Variants in LRRC4B observed in about 807,000 individuals in gnomAD.
LRRC4B encodes leucine-rich repeat-containing protein 4B.
A neutral mutation model predicts 7.3 loss-of-function variants in LRRC4B; 1 was observed. That is an observed-to-expected ratio of 0.14 (90% CI 0.05 to 0.65). LRRC4B has a LOEUF of 0.65. Among genes scored for constraint, LRRC4B ranks in the 30% least tolerant of loss-of-function variants. LRRC4B has a pLI of 0.84. For synonymous variants in LRRC4B, 500 were observed against 499.2 expected (o/e 1.00, Z -0.02); for missense variants, 730 against 1,041.6 (o/e 0.70, Z 4.12).
chr19:50,517,907 C>T lies in LRRC4B; in HGVS notation c.1806G>A (p.Gln602=), dbSNP rs1024593105. Residue 602 remains glutamine, a synonymous_variant, in exon 3 of 3, where the codon CAG becomes CAA. Coordinates refer to ENST00000652263, the MANE Select transcript of LRRC4B (RefSeq NM_001080457.2). The surrounding 1 kb of genome is among the most constrained non-coding windows in gnomAD (Gnocchi z 6.6). ...MLVAFYKLRK[Q]HQLHKHHGPT... ...GCCCGTGGTGCTTGTGGAGCTGGTG[C>T]TGCTTGCGCAGCTTGTAGAAGGCCA... is the stretch of plus-strand genomic sequence containing the variant. 19 of 1,584,460 alleles carry T rather than the reference C, an allele frequency of 1.2e-5. No homozygotes were observed. The highest frequency in any genetic ancestry group is 1.5e-5 in the Non-Finnish European group (18 of 1,170,078).
At position 50,518,418 on chromosome 19, in the gene LRRC4B, C is replaced by A; in HGVS notation, c.1295G>T (p.Gly432Val). The A allele has an allele frequency of 6.4e-7, 1 of 1,566,802 alleles. No homozygotes were observed. The highest frequency in any genetic ancestry group is 8.6e-7 in the Non-Finnish European group (1 of 1,158,848). ...GTTCGTCACCATGCACGTGTACTGG[C>A]CCGTGTCCTGCACGGTGACGTTGGT... ...NFTNVTVQDT[G>V]QYTCMVTNSA... Residue 432 changes from glycine (G) to valine (V), a missense_variant, in exon 3 of 3, where the codon GGC becomes GTC. Around this residue, in one of 6 missense-constraint regions of LRRC4B, gnomAD observed 192 missense variants for 228.6 expected, o/e 0.84. Transcript: ENST00000652263.
chr19:50,546,649 G>A (rs980325688), intron 2 of LRRC4B, among the ~76,000 whole-genome samples: 9 of 152,300 alleles, frequency 5.9e-5, no homozygotes, highest in East Asian at 5.8e-4. Flanking sequence ...TACGGAGGGA[G>A]CGGGCCTGTG....
chr19:50,551,022 C>T (rs1466022968), intron 1 of LRRC4B: 3 of 152,208 alleles, frequency 2.0e-5, no homozygotes, highest in Non-Finnish European at 4.4e-5. Flanking sequence ...AGGCCTGCCG[C>T]TGCCATGTCT....
At chr19:50,540,902 G>A (rs1047091179) in intron 2 of LRRC4B, among the ~76,000 whole-genome samples, 5 of 151,722 alleles carry the variant, frequency 3.3e-5, no homozygotes, top group African/African-American at 7.2e-5. Context: ...AAAGTGCACC[G>A]GCCGGGCGTG....
Position 50,519,337 on chromosome 19 carries a change from C to T in LRRC4B, c.376G>A (p.Glu126Lys), listed in dbSNP as rs766225003. Residue 126 changes from glutamate (E) to lysine (K), a missense_variant, in exon 3 of 3, where the codon GAG becomes AAG. Transcript: ENST00000652263. This position sits in a 1 kb window ranked among gnomAD's most constrained non-coding sequence, Gnocchi z 8.1. ...QLSKNLVRKIEVGAFNGLPSL... is the reference protein window; with the variant it reads ...QLSKNLVRKIKVGAFNGLPSL... ...GGCAGCCCGTTGAAGGCGCCCACCT[C>T]GATCTTGCGCACCAGGTTCTTGCTC... 1.2e-6 allele frequency: 2 copies of T among 1,612,448 alleles called. No homozygotes were observed. The highest frequency in any genetic ancestry group is 1.7e-5 in the Admixed American group (1 of 60,004).
rs567184879 is a variant in LRRC4B at position 50,553,952 on chromosome 19, C to T, written c.-35-5079G>A. Among the ~76,000 whole-genome samples the T allele has an allele frequency of 2.6e-5, 4 of 152,054 alleles. No individual in the cohort carries two copies. The South Asian group carries it at 6.3e-4, about 24-fold the overall frequency. ...CCCTGGACACCCTCGGTCCCCAGGT[C>T]CCCTTCCATCCCAGGAGGCCTGCTG... On this transcript the variant is annotated intron_variant, in intron 1 of 2. Coordinates refer to ENST00000652263, the MANE Select transcript of LRRC4B (RefSeq NM_001080457.2). The surrounding 1 kb of genome is among the most constrained non-coding windows in gnomAD (Gnocchi z 4.2).
chr19:50,518,710 T>A lies in LRRC4B; in HGVS notation c.1003A>T (p.Thr335Ser). Residue 335 changes from threonine (T) to serine (S), a missense_variant, in exon 3 of 3, where the codon ACG becomes TCG. Thr to Ser is a moderately conservative substitution (Grantham distance 58). Coordinates refer to ENST00000652263, the MANE Select transcript of LRRC4B (RefSeq NM_001080457.2). ...WLKETVPSNT[T>S]CCARCHAPAG... ...GGCGCATGACAGCGGGCGCAGCACG[T>A]CGTGTTGCTGGGCACCGTCTCCTTG... 1 of 1,613,784 alleles carries A rather than the reference T, an allele frequency of 6.2e-7. No individual in the cohort carries two copies. Among genetic ancestry groups the A allele is most frequent in the Non-Finnish European group, 8.5e-7 (1 of 1,179,920 alleles).
chr19:50,536,259 G>T (rs535403716), intron 2 of LRRC4B, among the ~76,000 whole-genome samples: 1 of 151,748 alleles, frequency 6.6e-6, no homozygotes, highest in Non-Finnish European at 1.5e-5. Flanking sequence ...TCACCCTCCC[G>T]AGTATCTGGG....
chr19:50,530,898 G>A (rs1452490364), intron 2 of LRRC4B, among the ~76,000 whole-genome samples: 3 of 138,728 alleles, frequency 2.2e-5, no homozygotes, highest in South Asian at 2.5e-4. Context: ...CACCATGCAC[G>A]ATTAATTTTT....
intron 2 of LRRC4B, among the ~76,000 whole-genome samples, chr19:50,522,562 T>C (rs1150931): frequency 0.15 from 22,420 of 152,074 alleles, 2,340 homozygotes; most frequent in East Asian, 0.53. Context: ...CTGCAACCTC[T>C]GCCTGCCGGG....
chr19:50,559,859 C>G (rs943265071), intron 1 of LRRC4B, among the ~76,000 whole-genome samples: 1 of 152,194 alleles, frequency 6.6e-6, no homozygotes, highest in East Asian at 1.9e-4. Context: ...TCTGGCCGGG[C>G]GCAGTGGCTC....
intron 2 of LRRC4B, among the ~76,000 whole-genome samples, chr19:50,533,479 A>C (rs2122833262): frequency 6.6e-6 from 1 of 152,040 alleles, no homozygotes; most frequent in East Asian, 1.9e-4. Flanking sequence ...AATACCAAAG[A>C]CCAGTTCATT....
In LRRC4B at chr19:50,548,074, C is replaced by T. The variant is rs1440940946; in HGVS notation, c.297+468G>A. On this transcript the variant is annotated intron_variant, in intron 2 of 2. Coordinates refer to ENST00000652263, the MANE Select transcript of LRRC4B (RefSeq NM_001080457.2). The surrounding 1 kb of genome is among the most constrained non-coding windows in gnomAD (Gnocchi z 6.8). ...CCAATAAGTACCAGACCCATCAGCC[C>T]TCACAGCAACACCTCAACGCAGGGG... Among the ~76,000 whole-genome samples the T allele has an allele frequency of 1.3e-5, 2 of 152,222 alleles. No homozygotes were observed. The highest frequency in any genetic ancestry group is 2.9e-5 in the Non-Finnish European group (2 of 68,038).
Position 50,518,309 on chromosome 19 carries a change from C to T in LRRC4B, c.1404G>A (p.Gly468=). Residue 468 remains glycine (G), a synonymous_variant, in exon 3 of 3, where the codon GGG becomes GGA. Transcript: ENST00000652263. ...CACCACCACTGCCCCCAGGGCCGCC[C>T]CCGCCGCTGCCGGTGCCCCCGGCCG... ...PVAAGGTGSG[G]GGPGGSGGVG... is the part of the protein sequence containing the mutation. 1 of 1,604,674 alleles carries T rather than the reference C, an allele frequency of 6.2e-7. No homozygotes were observed. The highest frequency in any genetic ancestry group is 8.5e-7 in the Non-Finnish European group (1 of 1,176,390).
At chr19:50,541,192 AAAG>A (rs1156873489) in intron 2 of LRRC4B, among the ~76,000 whole-genome samples, 3 of 150,350 alleles carry the variant, frequency 2.0e-5, no homozygotes, top group Non-Finnish European at 4.4e-5. Context: ...TCAAAAAAAA[AAAG>A]AAAAGAAAAG....
intron 2 of LRRC4B, among the ~76,000 whole-genome samples, chr19:50,532,172 G>A (rs1378758649): frequency 2.0e-5 from 3 of 152,150 alleles, no homozygotes; most frequent in Admixed American, 6.5e-5. Context: ...GGAGGCGGAG[G>A]TTGCAGTGAG....
rs941907966 is a variant in LRRC4B, at chr19:50,555,042, G to A, written c.-35-6169C>T. On this transcript the variant is annotated intron_variant, in intron 1 of 2. Coordinates refer to ENST00000652263, the MANE Select transcript of LRRC4B (RefSeq NM_001080457.2). This position sits in a 1 kb window ranked among gnomAD's most constrained non-coding sequence, Gnocchi z 5.2. ...GCACTGCACAGGATATCACACGCCC[G>A]ACACCCCACCACGGCTTCACGCCCG... 2.0e-5 allele frequency among the ~76,000 whole-genome samples: 3 copies of A among 152,118 alleles called. No individual in the cohort carries two copies. Among genetic ancestry groups the A allele is most frequent in the African/African-American group, 4.8e-5 (2 of 41,414 alleles).
At chr19:50,530,976 G>A (rs1032506065) in intron 2 of LRRC4B, among the ~76,000 whole-genome samples, 1 of 149,338 alleles carries the variant, frequency 6.7e-6, no homozygotes, top group African/African-American at 2.5e-5. Flanking sequence ...TCGAACTCCC[G>A]ACCTCAGGTG....
At chr19:50,560,894 G>A (rs1452158256) in intron 1 of LRRC4B, among the ~76,000 whole-genome samples, 1 of 152,082 alleles carries the variant, frequency 6.6e-6, no homozygotes, top group Non-Finnish European at 1.5e-5. Context: ...TTCAAGACCA[G>A]GCCGGCCAAC....
Sources: allele counts gnomAD v4.1 joint callset (sites outside exome capture counted in the v4.1 genomes callset), GRCh38; gene constraint gnomAD v4.1.1; regional missense constraint gnomAD v4.1.1; non-coding constraint Gnocchi (gnomAD v3.1); transcripts MANE v1.5; gene names NCBI Gene and HGNC (gene_info 2026-07-23, HGNC 2026-07-21).